The following GALNT17 variants were observed in gnomAD, a reference collection of about 807,000 sequenced individuals.
The protein encoded by GALNT17 is UDP-GalNAc:polypeptide N-acetylgalactosaminyltransferase-like 3.
GALNT17 carries 29 observed loss-of-function variants against 63.7 expected under a neutral mutation model. The ratio of observed to expected loss-of-function variants is 0.46; its 90% CI spans 0.34 to 0.62. The LOEUF is 0.62. Ranked by LOEUF, GALNT17 falls within the 20% of genes least tolerant of loss-of-function variation. The pLI, the probability that GALNT17 is intolerant of heterozygous loss-of-function variation, is 0.01. For missense variants in GALNT17, 603 were observed against 799.6 expected (o/e 0.75, Z 2.97); for synonymous variants, 305 against 318.3 (o/e 0.96, Z 0.45).
intron 6 of GALNT17, among the ~76,000 whole-genome samples, chr7:71,578,004 C>CATTTATTTATTTATTT (rs60916222): frequency 9.8e-5 from 14 of 143,312 alleles, no homozygotes; most frequent in Non-Finnish European, 1.2e-4. Context: ...GGGTTGTTTA[C>CATTTATTTATTTATTT]ATTTATTTAT....
chr7:71,184,848 G>C (rs1257479040), intron 1 of GALNT17, among the ~76,000 whole-genome samples: 1 of 152,138 alleles, frequency 6.6e-6, no homozygotes, highest in Non-Finnish European at 1.5e-5. Context: ...TTAGGGCAGT[G>C]TATAAGACTT....
intron 1 of GALNT17, among the ~76,000 whole-genome samples, chr7:71,188,963 A>G (rs932978780): frequency 6.6e-6 from 1 of 152,172 alleles, no homozygotes; most frequent in Non-Finnish European, 1.5e-5. Flanking sequence ...GCTGCTCTAC[A>G]GTTCTTGAAG....
At chr7:71,570,003 TGTAA>T (rs1397338571) in intron 5 of GALNT17, among the ~76,000 whole-genome samples, 1 of 152,100 alleles carries the variant, frequency 6.6e-6, no homozygotes, top group Non-Finnish European at 1.5e-5. Context: ...ACCAATGGTG[TGTAA>T]GTGTTTTCTT....
chr7:71,575,630 C>T (rs1351058469), intron 6 of GALNT17, among the ~76,000 whole-genome samples: 3 of 152,164 alleles, frequency 2.0e-5, no homozygotes, highest in African/African-American at 4.8e-5. Context: ...CCTCGTGATC[C>T]GCCCGCCTCG....
At chr7:71,269,365 G>A (rs1790544942) in intron 1 of GALNT17, among the ~76,000 whole-genome samples, 1 of 152,196 alleles carries the variant, frequency 6.6e-6, no homozygotes. Context: ...TACTCAGGAG[G>A]CTTAGGTGGG....
intron 3 of GALNT17, 112 bp from the exon 4 acceptor site, chr7:71,415,777 G>A (rs1445577080): frequency 1.1e-5 from 13 of 1,237,864 alleles, no homozygotes; most frequent in South Asian, 9.6e-5. Context: ...ACTAACATGC[G>A]ATTTTTTTTG....
At chr7:71,538,683 T>G (rs1754687121) in intron 5 of GALNT17, among the ~76,000 whole-genome samples, 1 of 152,108 alleles carries the variant, frequency 6.6e-6, no homozygotes, top group Non-Finnish European at 1.5e-5. Context: ...AAATTAACCC[T>G]CTTTTAAAAG....
At chr7:71,400,246 C>T (rs923219893) in intron 3 of GALNT17, among the ~76,000 whole-genome samples, 9 of 151,980 alleles carry the variant, frequency 5.9e-5, no homozygotes, top group South Asian at 2.1e-4. Context: ...TGAGAACATG[C>T]GGTGTTTGGT....
chr7:71,173,714 A>G (rs1788585360), intron 1 of GALNT17, among the ~76,000 whole-genome samples: 1 of 152,210 alleles, frequency 6.6e-6, no homozygotes, highest in Non-Finnish European at 1.5e-5. Flanking sequence ...CGGAGGTTGC[A>G]GTGAGCTGAG....
At chr7:71,443,514 T>C (rs1160940310) in intron 5 of GALNT17, among the ~76,000 whole-genome samples, 2 of 152,088 alleles carry the variant, frequency 1.3e-5, no homozygotes, top group Non-Finnish European at 2.9e-5. Context: ...TTAGAGCTGG[T>C]TGTTTAAAAG....
chr7:71,282,823 CAG>C (rs915643343), intron 1 of GALNT17, among the ~76,000 whole-genome samples: 45 of 151,984 alleles, frequency 3.0e-4, no homozygotes, highest in African/African-American at 1.1e-3. Flanking sequence ...GGGAAGGTCT[CAG>C]AGGCTACCTG....
At chr7:71,500,878 C>G (rs1421622968) in intron 5 of GALNT17, among the ~76,000 whole-genome samples, 1 of 152,144 alleles carries the variant, frequency 6.6e-6, no homozygotes, top group Non-Finnish European at 1.5e-5. Context: ...CCTCTCTTCT[C>G]CCCCTTTACC....
chr7:71,194,458 C>G (rs925353134), intron 1 of GALNT17, among the ~76,000 whole-genome samples: 5 of 152,020 alleles, frequency 3.3e-5, no homozygotes, highest in African/African-American at 1.2e-4. Flanking sequence ...TAATGCTGTT[C>G]CCTGGCAGAT....
chr7:71,442,779 G>T (rs1002040009), intron 5 of GALNT17, among the ~76,000 whole-genome samples: 1 of 152,136 alleles, frequency 6.6e-6, no homozygotes, highest in Admixed American at 6.5e-5. Flanking sequence ...TACCAGTCAC[G>T]CTTGATAAAG....
chr7:71,393,575 C>A (rs923148921), intron 3 of GALNT17, among the ~76,000 whole-genome samples: 1 of 151,294 alleles, frequency 6.6e-6, no homozygotes, highest in Non-Finnish European at 1.5e-5. Context: ...ATTAAAAAAT[C>A]TCTGCAAACA....
At chr7:71,538,584 C>T (rs1422941338) in intron 5 of GALNT17, among the ~76,000 whole-genome samples, 2 of 152,192 alleles carry the variant, frequency 1.3e-5, no homozygotes, top group East Asian at 3.9e-4. Flanking sequence ...TCTTTCAGTC[C>T]CTTGAAGTGA....
At chr7:71,336,784 G>A (rs959320517) in intron 2 of GALNT17, among the ~76,000 whole-genome samples, 1 of 152,194 alleles carries the variant, frequency 6.6e-6, no homozygotes, top group Non-Finnish European at 1.5e-5. Context: ...ACAGTGAATA[G>A]TGCTATAATG....
intron 1 of GALNT17, among the ~76,000 whole-genome samples, chr7:71,173,798 A>T (rs1788587158): frequency 7.4e-6 from 1 of 134,790 alleles, no homozygotes; most frequent in South Asian, 2.3e-4. Context: ...AATAAATAAT[A>T]AATAGAAGTA....
At chr7:71,467,548 G>A (rs1583979547) in intron 5 of GALNT17, among the ~76,000 whole-genome samples, 1 of 150,760 alleles carries the variant, frequency 6.6e-6, no homozygotes, top group African/African-American at 2.4e-5. Flanking sequence ...TCAAAGTTAG[G>A]AACATCTCAC....
Sources: gnomAD v4.1 joint callset for allele counts (sites outside exome capture counted in the v4.1 genomes callset) on GRCh38, gnomAD v4.1.1 for gene constraint, MANE v1.5 for transcripts, NCBI Gene and HGNC (gene_info 2026-07-23, HGNC 2026-07-21) for gene names.